Variants in STK31 observed in about 807,000 individuals in gnomAD.
STK31 encodes serine/threonine-protein kinase 31.
Under a neutral mutation model 129.7 loss-of-function variants are expected in STK31, and 89 were observed. That is an observed-to-expected ratio of 0.69 (90% CI 0.58 to 0.82). The LOEUF is 0.82. Among genes scored for constraint, STK31 ranks in the 40% least tolerant of loss-of-function variants. The probability of loss-of-function intolerance (pLI) is 0.00; values close to 1 mark genes in which losing one functional copy is unlikely to be tolerated. For missense variants in STK31, 1,187 were observed against 1,176.4 expected, an observed-to-expected ratio of 1.01 and a Z score of -0.13; for synonymous variants, 448 against 395.3, an observed-to-expected ratio of 1.13 and a Z score of -1.58.
intron 15 of STK31, among the ~76,000 whole-genome samples, chr7:23,773,772 A>T (rs62470063): frequency 6.7e-6 from 1 of 148,464 alleles, no homozygotes; most frequent in Admixed American, 6.7e-5. Flanking sequence ...TATGTTGCCT[A>T]TGTTGTTTTT....
At chr7:23,797,207 G>A (rs1355229195) in intron 22 of STK31, among the ~76,000 whole-genome samples, 1 of 151,398 alleles carries the variant, frequency 6.6e-6, no homozygotes, top group Non-Finnish European at 1.5e-5. Context: ...ACAGATCAAC[G>A]AGACAGAAAA....
intron 8 of STK31, among the ~76,000 whole-genome samples, chr7:23,745,085 A>G (rs1004812484): frequency 2.0e-5 from 3 of 152,144 alleles, no homozygotes; most frequent in Non-Finnish European, 2.9e-5. Flanking sequence ...GCTGGCTGTG[A>G]TGTGCTGAGT....
Position 23,788,001 on chromosome 7 carries a change from G to A in STK31, c.2509G>A (p.Gly837Ser), listed in dbSNP as rs1791402341. Reference sequence around the variant, plus strand: ...ATAGGAAACTTTAAAGGTCATGAAAGGTGTTGCCCAGGGTCTGCATACATT... The same window carrying A: ...ATAGGAAACTTTAAAGGTCATGAAAAGTGTTGCCCAGGGTCTGCATACATT... ...NSEETLKVMK[G>S]VAQGLHTLHK... Residue 837 changes from glycine to serine, a missense_variant, in exon 21 of 24, where the codon GGT becomes AGT. Gly to Ser is a moderately conservative substitution (Grantham distance 56). This residue lies in a region of STK31 where 975 missense variants were observed against 934.9 expected (regional missense o/e 1.04). Transcript: ENST00000355870. 2.5e-6 allele frequency: 4 copies of A among 1,575,848 alleles called. No homozygotes were observed. Among genetic ancestry groups the A allele is most frequent in the Non-Finnish European group, 3.4e-6 (4 of 1,162,584 alleles).
chr7:23,810,127 T>C (rs1199205943), intron 22 of STK31, among the ~76,000 whole-genome samples: 1 of 152,186 alleles, frequency 6.6e-6, no homozygotes, highest in Non-Finnish European at 1.5e-5. Flanking sequence ...TCTTAGTAGA[T>C]TGATACTTTT....
Position 23,712,269 on chromosome 7 carries a change from G to A in STK31, c.133G>A (p.Val45Ile). 6.2e-7 allele frequency: 1 copy of A among 1,614,048 alleles called. No homozygotes were observed. Among genetic ancestry groups the A allele is most frequent in the Non-Finnish European group, 8.5e-7 (1 of 1,179,972 alleles). ...GGTTGGAAGTCACATAGAAGATGCA[G>A]TAACATTTTGGGCCCAGGTAAATAG... ...DVVGSHIEDA[V>I]TFWAQSINRN... The change falls in exon 3 of 24, where the codon GTA becomes ATA. Residue 45 changes from valine (V) to isoleucine (I), a missense_variant. This residue lies in a region of STK31 where 104 missense variants were observed against 98.3 expected (regional missense o/e 1.06). Coordinates refer to ENST00000355870, the MANE Select transcript of STK31 (RefSeq NM_031414.5).
intron 17 of STK31, 28 bp from the exon 18 acceptor site, chr7:23,785,450 T>C: frequency 6.2e-6 from 10 of 1,608,570 alleles, no homozygotes; most frequent in Non-Finnish European, 8.5e-6. Context: ...GTTTGGATTC[T>C]TTAACTGTGA....
intron 8 of STK31, among the ~76,000 whole-genome samples, chr7:23,748,295 G>A (rs1314884755): frequency 6.6e-6 from 1 of 151,872 alleles, no homozygotes; most frequent in East Asian, 1.9e-4. Context: ...TTCTACTGTG[G>A]CCTGAGAGCA....
At position 23,820,074 on chromosome 7, in the gene STK31, G is replaced by A. The variant is rs561862890; in HGVS notation, c.2829+4862G>A. On this transcript the variant is annotated intron_variant, in intron 23 of 23. Transcript: ENST00000355870. ...AGGAAGTAATAAAATTTATTTGTTC[G>A]TATTTCACTTGTTTTTGAGAGATTT... Among the ~76,000 whole-genome samples the A allele has an allele frequency of 1.2e-4, 18 of 152,270 alleles. No homozygotes were observed. In the South Asian group the frequency reaches 2.9e-3, roughly 25 times the overall value.
At chr7:23,816,884 C>G (rs537957415) in intron 23 of STK31, among the ~76,000 whole-genome samples, 1 of 152,186 alleles carries the variant, frequency 6.6e-6, no homozygotes, top group South Asian at 2.1e-4. Context: ...TAGAAGTCTG[C>G]TTACTCTAAA....
At chr7:23,769,600 A>T (rs1007482698) in intron 12 of STK31, 40 bp from the exon 13 acceptor site, 5 of 1,345,600 alleles carry the variant, frequency 3.7e-6, no homozygotes, top group Non-Finnish European at 5.3e-6. Context: ...TGCTGATTGA[A>T]TTAAATGAGA....
chr7:23,816,543 T>C (rs1793483331), intron 23 of STK31, among the ~76,000 whole-genome samples: 1 of 152,350 alleles, frequency 6.6e-6, no homozygotes, highest in South Asian at 2.1e-4. Flanking sequence ...GAGATGAATA[T>C]GCCTCTAACC....
intron 4 of STK31, among the ~76,000 whole-genome samples, 197 bp downstream of exon 4, chr7:23,717,776 C>T (rs372521231): frequency 3.3e-5 from 5 of 152,220 alleles, no homozygotes; most frequent in East Asian, 3.9e-4. Context: ...TGAAATTTGA[C>T]GTAAGCTACA....
At chr7:23,777,449 T>C (rs1790626763) in intron 15 of STK31, among the ~76,000 whole-genome samples, 1 of 152,144 alleles carries the variant, frequency 6.6e-6, no homozygotes, top group Non-Finnish European at 1.5e-5. Context: ...CCCACTATTA[T>C]TGTGTGGGAG....
intron 1 of STK31, among the ~76,000 whole-genome samples, chr7:23,711,440 A>AC (rs1420626267): frequency 7.0e-6 from 1 of 142,174 alleles, no homozygotes; most frequent in Non-Finnish European, 1.5e-5. Flanking sequence ...AAAAAAAAAA[A>AC]AACCCATAAA....
chr7:23,771,063 A>C lies in STK31; in HGVS notation c.1772A>C (p.Lys591Thr). 6.2e-7 allele frequency: 1 copy of C among 1,613,110 alleles called. No individual in the cohort carries two copies. Among genetic ancestry groups the C allele is most frequent in the Non-Finnish European group, 8.5e-7 (1 of 1,179,444 alleles). Residue 591 changes from lysine (K) to threonine (T), a missense_variant, in exon 14 of 24, where the codon AAG becomes ACG. Lys to Thr is a moderately conservative substitution (Grantham distance 78). Transcript: ENST00000355870. ...AATACATATAGTCAAGTACTGCAAAAGATTCATTCAGAGGAAAGGCTCATT... is the reference window on the plus strand; with the variant it reads ...AATACATATAGTCAAGTACTGCAAACGATTCATTCAGAGGAAAGGCTCATT... ...ISNTYSQVLQ[K>T]IHSEERLIAT...
intron 10 of STK31, among the ~76,000 whole-genome samples, chr7:23,761,312 A>G (rs184180400): frequency 9.8e-5 from 15 of 152,334 alleles, no homozygotes; most frequent in African/African-American, 3.4e-4. Context: ...TAGCCACTCA[A>G]ATGAAATCGT....
chr7:23,830,629 T>TGTGTGTGTGTGTGTGTGTGTGTGTG (rs1554300171), intron 23 of STK31, among the ~76,000 whole-genome samples: 1 of 144,520 alleles, frequency 6.9e-6, no homozygotes, highest in Non-Finnish European at 1.5e-5. Context: ...TGTGTGTGTG[T>TGTGTGTGTGTGTGTGTGTGTGTGTG]TGTTTTTGAG....
rs936505340 is a variant in STK31 at position 23,721,995 on chromosome 7, T to C, written c.249+4416T>C. ...TTCGTCTAATTTTTTTCAAGGTTTT[T>C]AGCTTCTTTGCAGTGGGTTTGAACA... On this transcript the variant is annotated intron_variant, in intron 4 of 23. Coordinates refer to ENST00000355870, the MANE Select transcript of STK31 (RefSeq NM_031414.5). 2.5e-5 allele frequency: 5 copies of C among 197,542 alleles called. No homozygotes were observed. The East Asian group carries it at 7.9e-4, about 31-fold the overall frequency. The allele number at this position is 197,542 out of a possible 1,614,324, so 12.2% of individuals were successfully genotyped here.
intron 22 of STK31, among the ~76,000 whole-genome samples, chr7:23,806,894 C>A (rs1265547784): frequency 1.6e-5 from 2 of 128,104 alleles, no homozygotes; most frequent in African/African-American, 3.0e-5. Context: ...AGCAAGACTC[C>A]GTCTCAGAAA....
Sources: allele counts gnomAD v4.1 joint callset (sites outside exome capture counted in the v4.1 genomes callset), GRCh38; gene constraint gnomAD v4.1.1; regional missense constraint gnomAD v4.1.1; transcripts MANE v1.5; gene names NCBI Gene and HGNC (gene_info 2026-07-23, HGNC 2026-07-21).